Variants in IGF2R observed in about 807,000 individuals in gnomAD.
IGF2R encodes insulin like growth factor 2 receptor, also known as cation-independent mannose-6-phosphate receptor.
In IGF2R, 91 loss-of-function variants were observed where a neutral mutation model predicts 270.6. The observed-to-expected ratio is 0.34, with a 90% CI of 0.28 to 0.40. The LOEUF (loss-of-function observed/expected upper bound fraction) is 0.40, where lower values mean the gene tolerates loss of function less well. IGF2R is among the 10% of genes least tolerant of loss of function. The probability of loss-of-function intolerance (pLI) is 1.00; values close to 1 mark genes in which losing one functional copy is unlikely to be tolerated. For missense variants in IGF2R, 2,805 were observed against 3,188.3 expected (o/e 0.88, Z 2.90); for synonymous variants, 1,316 against 1,258.9 (o/e 1.05, Z -0.96).
intron 35 of IGF2R, among the ~76,000 whole-genome samples, chr6:160,074,676 C>G (rs576033191): frequency 2.0e-4 from 30 of 152,302 alleles, no homozygotes; most frequent in South Asian, 1.2e-3. Flanking sequence ...TTGAATGTAT[C>G]TCACAAGTCG....
At position 160,084,164 on chromosome 6, in the gene IGF2R, C is replaced by T. The variant is rs1215475669; in HGVS notation, c.6048C>T (p.Ser2016=). The stretch of plus-strand genomic sequence containing the variant: ...TCTCCTCTCTCACCGGGTCCTGGTC[C>T]CTCGTCCACAACGGAGTCTCGTGAG... The part of the protein sequence containing the change: ...RLLSSLTGSW[S]LVHNGVSYYI... The change falls in exon 40 of 48, where the codon TCC becomes TCT. Residue 2016 remains serine, a synonymous_variant. Transcript: ENST00000356956. The surrounding 1 kb of genome is among the most constrained non-coding windows in gnomAD (Gnocchi z 4.6). The T allele has an allele frequency of 1.5e-5, 24 of 1,613,074 alleles. No individual in the cohort carries two copies. Among genetic ancestry groups the T allele is most frequent in the Non-Finnish European group, 1.9e-5 (22 of 1,179,054 alleles).
chr6:160,056,450 C>T lies in IGF2R; in HGVS notation c.2721C>T (p.Asn907=), dbSNP rs368664310. 4 of 1,613,982 alleles carry T rather than the reference C, an allele frequency of 2.5e-6. No individual in the cohort carries two copies. The highest frequency in any genetic ancestry group is 1.7e-5 in the Admixed American group (1 of 60,034). ...RLNSHPIFSL[N]WECVVSFLWN... is the part of the protein sequence containing the mutation. ...ACAGCCACCCCATCTTTTCTCTCAA[C>T]TGGGAGTGTGTGGTCAGTTTCCTGT... The change falls in exon 20 of 48, where the codon AAC becomes AAT. Residue 907 remains asparagine (N), a synonymous_variant. Coordinates refer to ENST00000356956, the MANE Select transcript of IGF2R (RefSeq NM_000876.4).
chr6:160,007,502 T>C (rs1482903242), intron 2 of IGF2R: 1 of 152,226 alleles, frequency 6.6e-6, no homozygotes, highest in Non-Finnish European at 1.5e-5. Flanking sequence ...TTGATGTACA[T>C]TTTTCTTTGA....
intron 27 of IGF2R, 67 bp downstream of exon 27, chr6:160,063,697 G>A (rs1459607880): frequency 8.1e-7 from 1 of 1,231,804 alleles, no homozygotes; most frequent in Non-Finnish European, 1.1e-6. Context: ...ATATTTTGCT[G>A]AAGATGAATT....
At chr6:159,978,009 G>T (rs759445024) in intron 1 of IGF2R, among the ~76,000 whole-genome samples, 2 of 152,180 alleles carry the variant, frequency 1.3e-5, no homozygotes, top group African/African-American at 2.4e-5. Flanking sequence ...AGTGGTAGCA[G>T]TTGCTTTATC....
At position 160,040,636 on chromosome 6, in the gene IGF2R, C is replaced by T. The variant is rs749655739; in HGVS notation, c.1392C>T (p.Tyr464=). The T allele has an allele frequency of 1.8e-5, 29 of 1,613,732 alleles. No homozygotes were observed. Among genetic ancestry groups the T allele is most frequent in the Middle Eastern group, 1.6e-4 (1 of 6,080 alleles). ...CTYFFTWDTE[Y]ACVKEKEDLL... ...ACTTCTTCACATGGGACACGGAATACGCCTGTGTTAAGGAGAAGGAAGACC... is the reference window on the plus strand; with the variant it reads ...ACTTCTTCACATGGGACACGGAATATGCCTGTGTTAAGGAGAAGGAAGACC... The change falls in exon 11 of 48, where the codon TAC becomes TAT. Residue 464 remains tyrosine, a synonymous_variant. Transcript: ENST00000356956.
chr6:160,041,781 G>A (rs896655289), intron 11 of IGF2R, among the ~76,000 whole-genome samples: 4 of 152,174 alleles, frequency 2.6e-5, no homozygotes, highest in Non-Finnish European at 5.9e-5. Flanking sequence ...AACACCCTGT[G>A]TGCTGCTGGG....
intron 11 of IGF2R, 64 bp downstream of exon 11, chr6:160,040,788 C>A: frequency 6.7e-7 from 1 of 1,493,934 alleles, no homozygotes; most frequent in Non-Finnish European, 9.1e-7. Flanking sequence ...CCCATGAGTA[C>A]TTTTGGAAAT....
chr6:160,045,778 C>T lies in IGF2R; in HGVS notation c.1799C>T (p.Ser600Phe), dbSNP rs1356901266. 1 of 1,614,106 alleles carries T rather than the reference C, an allele frequency of 6.2e-7. No individual in the cohort carries two copies. Among genetic ancestry groups the T allele is most frequent in the Non-Finnish European group, 8.5e-7 (1 of 1,179,986 alleles). Residue 600 changes from serine to phenylalanine, a missense_variant, in exon 14 of 48, where the codon TCT becomes TTT. Around this residue, in one of 2 missense-constraint regions of IGF2R, gnomAD observed 954 missense variants for 981.1 expected, o/e 0.97. Transcript: ENST00000356956. The part of the protein sequence containing the change: ...DLESAPVLRT[S>F]GEGGCFYEFE... ...GAAAGTGCACCAGTGTTGAGAACTT[C>T]TGGGGAAGGCGGTTGCTTTTATGAG... is the stretch of plus-strand genomic sequence containing the variant.
At chr6:160,009,497 A>T (rs1784300488) in intron 3 of IGF2R, among the ~76,000 whole-genome samples, 1 of 152,140 alleles carries the variant, frequency 6.6e-6, no homozygotes, top group Admixed American at 6.5e-5. Flanking sequence ...TTAGTTTTTT[A>T]AAAAATATTT....
chr6:159,997,183 T>C (rs1280724294), intron 2 of IGF2R, among the ~76,000 whole-genome samples: 1 of 152,154 alleles, frequency 6.6e-6, no homozygotes, highest in Non-Finnish European at 1.5e-5. Context: ...GCATGCTCCT[T>C]TGTCCCAAGG....
intron 1 of IGF2R, among the ~76,000 whole-genome samples, chr6:159,986,318 A>T (rs1583242910): frequency 2.8e-5 from 4 of 142,738 alleles, no homozygotes; most frequent in African/African-American, 7.9e-5. Context: ...TGCAACCTCC[A>T]CCTCCTGGAT....
chr6:159,969,325 C>T lies in IGF2R; in HGVS notation c.79C>T (p.Gln27Ter). ...RRPQRSLLLL[Q>*]LLLLVAAPGS... ...CCCGCAGCGCTCTCTGCTCCTGCTG[C>T]AGCTGCTGCTGCTCGTCGCTGCCCC... is the stretch of plus-strand genomic sequence containing the variant. The change falls in exon 1 of 48, where the codon CAG becomes TAG. Residue 27 changes from glutamine to a stop codon, truncating the protein, a stop_gained. Transcript: ENST00000356956. LOFTEE classifies it high-confidence loss of function. The T allele has an allele frequency of 7.7e-7, 1 of 1,305,028 alleles. No homozygotes were observed. The highest frequency in any genetic ancestry group is 3.0e-5 in the Admixed American group (1 of 33,838). 80.8% of individuals were successfully genotyped at this position (1,305,028 alleles called of 1,614,324 possible).
intron 1 of IGF2R, among the ~76,000 whole-genome samples, chr6:159,971,936 C>T (rs1783615443): frequency 6.6e-6 from 1 of 152,188 alleles, no homozygotes; most frequent in African/African-American, 2.4e-5. Flanking sequence ...GGATTACAGG[C>T]ATGAGGCACC....
chr6:160,000,158 G>A (rs1784106751), intron 2 of IGF2R, among the ~76,000 whole-genome samples: 1 of 152,216 alleles, frequency 6.6e-6, no homozygotes, highest in South Asian at 2.1e-4. Flanking sequence ...AAGCCAGGTG[G>A]ATTAGTCCTT....
At position 159,993,742 on chromosome 6, in the gene IGF2R, GTT is replaced by G. The variant is rs563840556; in HGVS notation, c.289+2423_289+2424del. On this transcript the variant is annotated intron_variant, in intron 2 of 47. Transcript: ENST00000356956. ...ATGGTTCCATATGAATTTTAGGATT[GTT>G]TTTCTAATTCTGTGAAAAATGACAT... is the stretch of plus-strand genomic sequence containing the variant. Among the ~76,000 whole-genome samples, 6 of 152,194 alleles carry G rather than the reference GTT, an allele frequency of 3.9e-5. No homozygotes were observed. In the East Asian group the frequency reaches 9.6e-4, roughly 24 times the overall value.
rs1270549691 is a variant in IGF2R at position 160,027,262 on chromosome 6, G to A, written c.724G>A (p.Ala242Thr). The change falls in exon 6 of 48, where the codon GCG (alanine) becomes ACG (threonine). Residue 242 changes from alanine to threonine, a missense_variant. Physicochemically the swap from Ala to Thr is moderately conservative, Grantham distance 58 (BLOSUM62 0). Transcript: ENST00000356956. ...TAACLVRGHQ[A>T]FDVGQPRDGL... Reference sequence around the variant, plus strand: ...CGCCTGCCTGGTAAGAGGACACCAGGCGTTTGATGTTGGCCAGCCCCGGGA... The same window carrying A: ...CGCCTGCCTGGTAAGAGGACACCAGACGTTTGATGTTGGCCAGCCCCGGGA... The A allele has an allele frequency of 1.9e-6, 3 of 1,614,164 alleles. No homozygotes were observed. The highest frequency in any genetic ancestry group is 1.7e-5 in the Admixed American group (1 of 60,028).
chr6:160,089,315 C>T (rs1779167083), intron 43 of IGF2R, 62 bp downstream of exon 43: 1 of 1,473,832 alleles, frequency 6.8e-7, no homozygotes, highest in African/African-American at 1.4e-5. Flanking sequence ...AGCAATGCCG[C>T]TCTTTCCCTA....
intron 4 of IGF2R, among the ~76,000 whole-genome samples, chr6:160,021,350 A>T (rs1427460745): frequency 6.7e-6 from 1 of 149,594 alleles, no homozygotes. Flanking sequence ...AGGATAAAAA[A>T]CCAAACATCG....
Sources: gnomAD v4.1 joint callset for allele counts (sites outside exome capture counted in the v4.1 genomes callset) on GRCh38, gnomAD v4.1.1 for gene constraint, gnomAD v4.1.1 regional missense constraint, Gnocchi (gnomAD v3.1) non-coding constraint, MANE v1.5 for transcripts, NCBI Gene and HGNC (gene_info 2026-07-23, HGNC 2026-07-21) for gene names.